NEGR1: variants seen among roughly 807,000 people sequenced by gnomAD.
NEGR1 encodes IgLON family member 4.
Under a neutral mutation model 40.9 loss-of-function variants are expected in NEGR1, and 10 were observed. That is an observed-to-expected ratio of 0.24 (90% CI 0.15 to 0.42). The LOEUF is 0.42. Ranked by LOEUF, NEGR1 falls within the 10% of genes least tolerant of loss-of-function variation. NEGR1 has a pLI of 1.00. For synonymous variants in NEGR1, 185 were observed against 166.8 expected, an observed-to-expected ratio of 1.11 and a Z score of -0.84; for missense variants, 352 against 438.9, an observed-to-expected ratio of 0.80 and a Z score of 1.77.
intron 6 of NEGR1, among the ~76,000 whole-genome samples, chr1:71,520,556 T>C (rs1647149082): frequency 6.6e-6 from 1 of 152,112 alleles, no homozygotes; most frequent in Admixed American, 6.6e-5. Context: ...CAATAATTAA[T>C]GAATTAGTTA....
intron 2 of NEGR1, among the ~76,000 whole-genome samples, chr1:71,920,882 T>G (rs539720276): frequency 6.6e-6 from 1 of 152,286 alleles, no homozygotes; most frequent in East Asian, 1.9e-4. Flanking sequence ...TTATTTTTCT[T>G]AAAGTTTCAG....
chr1:71,652,456 C>T (rs182908307), intron 4 of NEGR1, among the ~76,000 whole-genome samples: 40 of 152,146 alleles, frequency 2.6e-4, no homozygotes, highest in African/African-American at 8.4e-4. Context: ...TATATGGAAA[C>T]GCAGCACAGC....
intron 1 of NEGR1, among the ~76,000 whole-genome samples, chr1:72,072,837 G>C (rs941064630): frequency 2.0e-5 from 3 of 152,136 alleles, no homozygotes; most frequent in Non-Finnish European, 1.5e-5. Context: ...TAAATAATTG[G>C]TGGGGAAATA....
chr1:72,135,396 A>T (rs1650419247), intron 1 of NEGR1, among the ~76,000 whole-genome samples: 1 of 134,798 alleles, frequency 7.4e-6, no homozygotes, highest in Admixed American at 8.2e-5. Context: ...AAAACAAAAA[A>T]CAAAAAACAA....
chr1:71,669,977 C>T (rs1171692089), intron 4 of NEGR1, among the ~76,000 whole-genome samples: 1 of 152,108 alleles, frequency 6.6e-6, no homozygotes, highest in Non-Finnish European at 1.5e-5. Flanking sequence ...TATTCTAAAA[C>T]ATTATTACTA....
chr1:71,660,493 G>T (rs61687611), intron 4 of NEGR1, among the ~76,000 whole-genome samples: 2 of 151,008 alleles, frequency 1.3e-5, no homozygotes, highest in East Asian at 1.9e-4. Context: ...GTTTAAAAAA[G>T]AAAAAAAAGT....
Position 71,402,028 on chromosome 1 carries a change from A to C in NEGR1, c.*5418T>G, listed in dbSNP as rs1646249960. The C allele has an allele frequency of 6.6e-6, 1 of 151,930 alleles. No homozygotes were observed. The highest frequency in any genetic ancestry group is 6.6e-5 in the Admixed American group (1 of 15,250). The allele number at this position is 151,930 out of a possible 1,614,324, so 9.4% of individuals were successfully genotyped here. ...TGTGCTTATATTTATATAAATATATAAATAAAAATATGCAAATAGTTGTCT... is the reference window on the plus strand; with the variant it reads ...TGTGCTTATATTTATATAAATATATCAATAAAAATATGCAAATAGTTGTCT... On this transcript the variant is annotated 3_prime_UTR_variant, in exon 7 of 7. Coordinates refer to ENST00000357731, the MANE Select transcript of NEGR1 (RefSeq NM_173808.3).
At chr1:71,883,989 AT>A (rs35994056) in intron 2 of NEGR1, among the ~76,000 whole-genome samples, 32,460 of 150,280 alleles carry the variant, frequency 0.22, 4,264 homozygotes, top group East Asian at 0.5. Flanking sequence ...CCTTATTAAC[AT>A]TTTTTTTTTA....
chr1:72,026,106 G>A (rs1228063134), intron 1 of NEGR1, among the ~76,000 whole-genome samples: 1 of 57,806 alleles, frequency 1.7e-5, no homozygotes, highest in Non-Finnish European at 2.8e-5. Flanking sequence ...GCGAGACTCC[G>A]TCTCAAAAAA....
chr1:72,032,439 C>A (rs1431862981), intron 1 of NEGR1, among the ~76,000 whole-genome samples: 1 of 152,166 alleles, frequency 6.6e-6, no homozygotes, highest in Non-Finnish European at 1.5e-5. Context: ...CAATGGTATA[C>A]AGAAAGCTAG....
chr1:71,540,111 G>C (rs1045703892), intron 6 of NEGR1, among the ~76,000 whole-genome samples: 28 of 150,480 alleles, frequency 1.9e-4, no homozygotes, highest in South Asian at 8.3e-4. Flanking sequence ...GCACTCTGAG[G>C]CTAAAGACTG....
intron 6 of NEGR1, among the ~76,000 whole-genome samples, chr1:71,471,828 G>T (rs1283785101): frequency 6.6e-6 from 1 of 152,048 alleles, no homozygotes; most frequent in Non-Finnish European, 1.5e-5. Context: ...AGTGACGTTT[G>T]AGGAGCCAGT....
At chr1:72,198,727 T>C (rs1653091232) in intron 1 of NEGR1, among the ~76,000 whole-genome samples, 1 of 151,950 alleles carries the variant, frequency 6.6e-6, no homozygotes, top group Admixed American at 6.6e-5. Context: ...ATCTGATAAA[T>C]GTGGAGAAAT....
intron 6 of NEGR1, among the ~76,000 whole-genome samples, chr1:71,418,244 A>C (rs1214677930): frequency 2.6e-5 from 4 of 151,746 alleles, no homozygotes; most frequent in Non-Finnish European, 5.9e-5. Context: ...AGAGAATGCA[A>C]CTTTCAAAAA....
intron 1 of NEGR1, among the ~76,000 whole-genome samples, chr1:72,144,075 ATT>A (rs66541029): frequency 5.4e-5 from 8 of 149,132 alleles, no homozygotes; most frequent in East Asian, 2.0e-4. Flanking sequence ...GTGAGGTAAG[ATT>A]TTTTTTTTAA....
chr1:71,827,709 T>G (rs1247136635), intron 2 of NEGR1, among the ~76,000 whole-genome samples: 1 of 151,930 alleles, frequency 6.6e-6, no homozygotes, highest in Non-Finnish European at 1.5e-5. Context: ...CAACACAGAA[T>G]TTTTGCTTTT....
chr1:72,146,696 C>A (rs1166760378), intron 1 of NEGR1, among the ~76,000 whole-genome samples: 1 of 152,024 alleles, frequency 6.6e-6, no homozygotes, highest in Admixed American at 6.6e-5. Flanking sequence ...TGCAAATATA[C>A]AAAAATCTGA....
chr1:71,497,167 A>C (rs1646969643), intron 6 of NEGR1, among the ~76,000 whole-genome samples: 1 of 152,192 alleles, frequency 6.6e-6, no homozygotes, highest in Non-Finnish European at 1.5e-5. Context: ...AGTATTTTAC[A>C]TACTGGTAAG....
In NEGR1 at chr1:71,734,628, C is replaced by T. The variant is rs555313144; in HGVS notation, c.536-36489G>A. Among the ~76,000 whole-genome samples, 33 of 152,148 alleles carry T rather than the reference C, an allele frequency of 2.2e-4. No homozygotes were observed. In the Middle Eastern group the frequency reaches 0.017, roughly 78 times the overall value. On this transcript the variant is annotated intron_variant, in intron 3 of 6. Coordinates refer to ENST00000357731, the MANE Select transcript of NEGR1 (RefSeq NM_173808.3). ...ACTATGCTTCTAACACAATCTATCA[C>T]CCCATCTTTCTTTTTCTCCTTATTG...
Sources: gnomAD v4.1 joint callset for allele counts (sites outside exome capture counted in the v4.1 genomes callset) on GRCh38, gnomAD v4.1.1 for gene constraint, MANE v1.5 for transcripts, NCBI Gene and HGNC (gene_info 2026-07-23, HGNC 2026-07-21) for gene names.